The following RPE variants were observed in gnomAD, a reference collection of about 807,000 sequenced individuals.
RPE encodes ribulose-5-phosphate-3-epimerase, also known as ribulose-phosphate 3-epimerase.
A neutral mutation model predicts 24.6 loss-of-function variants in RPE; 16 were observed. That is an observed-to-expected ratio of 0.65 (90% CI 0.44 to 0.99). The LOEUF (loss-of-function observed/expected upper bound fraction) is 0.99, where lower values mean the gene tolerates loss of function less well. Ranked by LOEUF, RPE falls within the 50% of genes least tolerant of loss-of-function variation. The probability of loss-of-function intolerance (pLI) is 0.00; values close to 1 mark genes in which losing one functional copy is unlikely to be tolerated. For synonymous variants in RPE, 93 were observed against 98.4 expected, an observed-to-expected ratio of 0.94 and a Z score of 0.33; for missense variants, 240 against 294.5, an observed-to-expected ratio of 0.81 and a Z score of 1.35.
At chr2:210,014,835 A>G (rs959910202) in intron 2 of RPE, among the ~76,000 whole-genome samples, 2 of 152,092 alleles carry the variant, frequency 1.3e-5, no homozygotes, top group African/African-American at 4.8e-5. Flanking sequence ...CTAGCAAAAT[A>G]AAAAACTTAA....
chr2:210,006,976 T>A (rs1042078255), intron 1 of RPE, among the ~76,000 whole-genome samples: 1 of 152,228 alleles, frequency 6.6e-6, no homozygotes, highest in Non-Finnish European at 1.5e-5. Context: ...TCCGCTAGAC[T>A]TTTTCCCCTT....
Position 210,009,653 on chromosome 2 carries a change from G to A in RPE, c.123-4G>A, listed in dbSNP as rs1410186321. 5 of 1,614,092 alleles carry A rather than the reference G, an allele frequency of 3.1e-6. No individual in the cohort carries two copies. The highest frequency in any genetic ancestry group is 2.2e-5 in the East Asian group (1 of 44,880). ...TTTCAGAGTAGATTTTGTTTGTCTT[G>A]TAGGCATTTTGTTCCCAACATCACC... On this transcript the variant is annotated splice_polypyrimidine_tract_variant and splice_region_variant and intron_variant, in intron 1 of 5. Coordinates refer to ENST00000359429, the MANE Select transcript of RPE (RefSeq NM_199229.3).
At chr2:210,013,094 A>G (rs2046647877) in intron 2 of RPE, among the ~76,000 whole-genome samples, 1 of 152,208 alleles carries the variant, frequency 6.6e-6, no homozygotes, top group African/African-American at 2.4e-5. Context: ...TTGGTGTGTT[A>G]GGTATATTAA....
intron 1 of RPE, chr2:210,003,383 A>C: frequency 9.1e-7 from 1 of 1,096,458 alleles, no homozygotes; most frequent in Non-Finnish European, 1.2e-6. Flanking sequence ...GTTCTCTATA[A>C]TTGTTAATTA....
chr2:210,002,810 T>C (rs1165015578), intron 1 of RPE, 27 bp downstream of exon 1: 2 of 1,614,106 alleles, frequency 1.2e-6, no homozygotes, highest in Non-Finnish European at 1.7e-6. Flanking sequence ...CCGGTCGGGC[T>C]TGCCGCGCGG....
chr2:210,005,991 A>G (rs2093625939), intron 1 of RPE, among the ~76,000 whole-genome samples: 1 of 152,244 alleles, frequency 6.6e-6, no homozygotes, highest in South Asian at 2.1e-4. Flanking sequence ...ATGATGGAAC[A>G]TGAGAGAGAA....
chr2:210,004,386 T>G (rs574192563), intron 1 of RPE, among the ~76,000 whole-genome samples: 3 of 152,278 alleles, frequency 2.0e-5, no homozygotes, highest in Admixed American at 6.5e-5. Flanking sequence ...ATTGGTGGTG[T>G]TATTACCACC....
intron 2 of RPE, among the ~76,000 whole-genome samples, chr2:210,014,221 T>C (rs1365029251): frequency 1.3e-5 from 2 of 152,102 alleles, no homozygotes; most frequent in African/African-American, 4.8e-5. Flanking sequence ...CTCGAGTAGC[T>C]GGGATTACAG....
At chr2:210,017,871 A>G (rs2093799811) in intron 5 of RPE, 7 of 549,606 alleles carry the variant, frequency 1.3e-5, no homozygotes, top group Non-Finnish European at 2.3e-5. Flanking sequence ...CAGCCTCCTG[A>G]GTAGCTGGGA....
rs2093673786 is a variant in RPE, at chr2:210,009,519, T to G, written c.123-138T>G. On this transcript the variant is annotated intron_variant, in intron 1 of 5. Transcript: ENST00000359429. Reference sequence around the variant, plus strand: ...CCAAAATGACCCATTATTTTTAGTATTATTTAATACTGATGATTAAGTATT... The same window carrying G: ...CCAAAATGACCCATTATTTTTAGTAGTATTTAATACTGATGATTAAGTATT... 9 of 1,130,192 alleles carry G rather than the reference T, an allele frequency of 8.0e-6. No homozygotes were observed. In the Admixed American group the frequency reaches 1.9e-4, roughly 23 times the overall value. The allele number at this position is 1,130,192 out of a possible 1,614,324, so 70.0% of individuals were successfully genotyped here. A position where few individuals can be genotyped will look rare whatever the true frequency, so the allele number is the denominator to read the frequency against.
intron 1 of RPE, among the ~76,000 whole-genome samples, chr2:210,005,297 G>C (rs997818383): frequency 6.6e-6 from 1 of 152,040 alleles, no homozygotes; most frequent in Non-Finnish European, 1.5e-5. Context: ...TTACACTTTG[G>C]ATGTGCTTAT....
At chr2:210,012,648 TC>T (rs1207698444) in intron 2 of RPE, among the ~76,000 whole-genome samples, 2 of 152,224 alleles carry the variant, frequency 1.3e-5, no homozygotes, top group African/African-American at 4.8e-5. Context: ...AACTGACAGA[TC>T]AACTATGGTT....
intron 1 of RPE, among the ~76,000 whole-genome samples, chr2:210,007,456 T>G (rs1015322536): frequency 6.6e-6 from 1 of 152,202 alleles, no homozygotes; most frequent in Admixed American, 6.5e-5. Flanking sequence ...ATTTCTCACT[T>G]TAAGATCTTA....
chr2:210,004,148 A>G (rs1041310774), intron 1 of RPE, among the ~76,000 whole-genome samples: 3 of 152,212 alleles, frequency 2.0e-5, no homozygotes, highest in African/African-American at 7.2e-5. Flanking sequence ...TGCCTGAGAA[A>G]ATACCTAGAG....
intron 2 of RPE, among the ~76,000 whole-genome samples, chr2:210,015,444 C>G (rs986527570): frequency 6.6e-6 from 1 of 152,182 alleles, no homozygotes; most frequent in Non-Finnish European, 1.5e-5. Flanking sequence ...TATTAACTGC[C>G]AACCTAGTGT....
At chr2:210,009,526 A>C in intron 1 of RPE, 131 bp from the exon 2 acceptor site, 1 of 1,251,912 alleles carries the variant, frequency 8.0e-7, no homozygotes, top group Non-Finnish European at 1.2e-6. Flanking sequence ...GTATTATTTA[A>C]TACTGATGAT....
intron 5 of RPE, chr2:210,018,657 A>C (rs951271587): frequency 2.9e-5 from 29 of 985,186 alleles, no homozygotes; most frequent in African/African-American, 3.5e-5. Context: ...CGCTTGTGGA[A>C]TTGCTTTGTA....
chr2:210,008,388 T>C (rs1220287364), intron 1 of RPE, among the ~76,000 whole-genome samples: 3 of 147,412 alleles, frequency 2.0e-5, no homozygotes, highest in Non-Finnish European at 3.0e-5. Flanking sequence ...CTCCACCTCC[T>C]GGGTACAAGC....
chr2:210,017,751 T>C (rs1269594219), intron 5 of RPE, 192 bp downstream of exon 5: 14 of 625,136 alleles, frequency 2.2e-5, no homozygotes, highest in African/African-American at 9.6e-5. Context: ...TTTTTTTTTT[T>C]TTTTTCTTTT....
Sources: allele counts gnomAD v4.1 joint callset (sites outside exome capture counted in the v4.1 genomes callset), GRCh38; gene constraint gnomAD v4.1.1; transcripts MANE v1.5; gene names NCBI Gene and HGNC (gene_info 2026-07-23, HGNC 2026-07-21).